The following ANKRD36 variants were observed in gnomAD, a reference collection of about 807,000 sequenced individuals.
ANKRD36 encodes ankyrin repeat domain-containing protein 36A.
Under a neutral mutation model 278.1 loss-of-function variants are expected in ANKRD36, and 179 were observed. The ratio of observed to expected loss-of-function variants is 0.64; its 90% CI spans 0.57 to 0.73. The LOEUF (loss-of-function observed/expected upper bound fraction) is 0.73. Among genes scored for constraint, ANKRD36 ranks in the 30% least tolerant of loss-of-function variants. ANKRD36 has a pLI of 0.00. For synonymous variants in ANKRD36, 320 were observed against 641.1 expected, an observed-to-expected ratio of 0.50 and a Z score of 7.57; for missense variants, 1,159 against 1,956.7, an observed-to-expected ratio of 0.59 and a Z score of 7.69.
At chr2:97,226,923 A>G (rs375141505) in intron 67 of ANKRD36, among the ~76,000 whole-genome samples, 1 of 151,962 alleles carries the variant, frequency 6.6e-6, no homozygotes, top group Non-Finnish European at 1.5e-5. Flanking sequence ...GTTGTCAAAG[A>G]TCAGATAGTT....
chr2:97,210,997 A>G (rs369893711), intron 56 of ANKRD36, among the ~76,000 whole-genome samples: 14 of 151,904 alleles, frequency 9.2e-5, no homozygotes, highest in African/African-American at 2.9e-4. Flanking sequence ...TCTACTAGGT[A>G]TCAGCAAGCA....
chr2:97,142,123 A>G (rs1428520670), intron 6 of ANKRD36, among the ~76,000 whole-genome samples: 3 of 152,290 alleles, frequency 2.0e-5, no homozygotes, highest in Non-Finnish European at 2.9e-5. Flanking sequence ...TCAATTTAGG[A>G]CACTTCCACT....
At chr2:97,184,449 A>G (rs929695602) in intron 28 of ANKRD36, among the ~76,000 whole-genome samples, 9 of 151,746 alleles carry the variant, frequency 5.9e-5, no homozygotes, top group African/African-American at 1.9e-4. Context: ...AAAATTCTTT[A>G]TAATACAATG....
At chr2:97,222,456 G>C (rs1442310227) in intron 66 of ANKRD36, among the ~76,000 whole-genome samples, 7 of 152,046 alleles carry the variant, frequency 4.6e-5, no homozygotes, top group African/African-American at 1.4e-4. Flanking sequence ...GGTGTAGGAG[G>C]GTTCTGCTTT....
At chr2:97,256,784 A>G (rs2076286823) in intron 75 of ANKRD36, among the ~76,000 whole-genome samples, 1 of 141,840 alleles carries the variant, frequency 7.1e-6, no homozygotes, top group Non-Finnish European at 1.5e-5. Flanking sequence ...AGGTATAATG[A>G]TTGATTTAAC....
chr2:97,157,925 C>T (rs1457239568), intron 15 of ANKRD36, among the ~76,000 whole-genome samples, 182 bp from the exon 16 acceptor site: 1 of 151,910 alleles, frequency 6.6e-6, no homozygotes, highest in Admixed American at 6.6e-5. Flanking sequence ...ATATCTGTAT[C>T]ACCAATCATA....
intron 38 of ANKRD36, 27 bp downstream of exon 38, chr2:97,193,080 A>T (rs979849177): frequency 1.3e-6 from 2 of 1,514,054 alleles, no homozygotes; most frequent in South Asian, 2.4e-5. Flanking sequence ...ATTTAATGTC[A>T]TGTTCAGTGC....
At chr2:97,186,022 G>T (rs2153555702) in intron 30 of ANKRD36, among the ~76,000 whole-genome samples, 1 of 151,856 alleles carries the variant, frequency 6.6e-6, no homozygotes, top group East Asian at 2.0e-4. Flanking sequence ...CAATTTTGGG[G>T]TTTCTGCTGA....
chr2:97,262,979 C>CA (rs1461374527), intron 75 of ANKRD36, among the ~76,000 whole-genome samples: 2 of 144,174 alleles, frequency 1.4e-5, no homozygotes, highest in African/African-American at 4.9e-5. Context: ...TATAGCAACA[C>CA]AAAAATTTGT....
chr2:97,188,127 A>G (rs1401361371), intron 32 of ANKRD36, among the ~76,000 whole-genome samples: 1 of 151,668 alleles, frequency 6.6e-6, no homozygotes, highest in African/African-American at 2.4e-5. Context: ...TAAAAATGAG[A>G]TAAAGTTGAA....
intron 36 of ANKRD36, among the ~76,000 whole-genome samples, chr2:97,191,927 C>G (rs2058602866): frequency 6.6e-6 from 1 of 151,534 alleles, no homozygotes; most frequent in African/African-American, 2.4e-5. Context: ...TATTGGCTTC[C>G]TTGTTCAAGG....
intron 66 of ANKRD36, among the ~76,000 whole-genome samples, chr2:97,222,514 G>A (rs2068047942): frequency 6.6e-6 from 1 of 152,100 alleles, no homozygotes; most frequent in African/African-American, 2.4e-5. Flanking sequence ...TTGGATAAAA[G>A]CCATTTTAAC....
At chr2:97,197,134 C>G (rs146390062) in intron 42 of ANKRD36, among the ~76,000 whole-genome samples, 3,498 of 151,814 alleles carry the variant, frequency 0.023, 109 homozygotes, top group African/African-American at 0.079. Flanking sequence ...TTTTACAGAC[C>G]TCACATCATA....
chr2:97,177,292 A>C (rs1490044535), intron 22 of ANKRD36, among the ~76,000 whole-genome samples: 1 of 151,904 alleles, frequency 6.6e-6, no homozygotes, highest in Non-Finnish European at 1.5e-5. Flanking sequence ...CCATCAAGCT[A>C]CCAATGCCTT....
rs2036560163 is a variant in ANKRD36, at chr2:97,120,712, A to G, written c.487-2175A>G. Among the ~76,000 whole-genome samples the G allele has an allele frequency of 1.3e-5, 2 of 152,110 alleles. 1 individual carries two copies. The highest frequency in any genetic ancestry group is 4.2e-4 in the South Asian group (2 of 4,798). ...AAAAAATCTGAAACTAAAGAAAGGA[A>G]GTATTTTACATGAAAATACTTGTGT... On this transcript the variant is annotated intron_variant, in intron 3 of 75. Coordinates refer to ENST00000420699, the MANE Select transcript of ANKRD36 (RefSeq NM_001354587.1).
At chr2:97,181,051 A>G (rs545476435) in intron 24 of ANKRD36, among the ~76,000 whole-genome samples, 1 of 151,830 alleles carries the variant, frequency 6.6e-6, no homozygotes, top group South Asian at 2.1e-4. Context: ...AATGAATATT[A>G]TCTACTAGAT....
chr2:97,118,211 G>T (rs1197310514), intron 2 of ANKRD36, 33 bp downstream of exon 2: 5 of 1,578,846 alleles, frequency 3.2e-6, no homozygotes, highest in Non-Finnish European at 8.6e-7. Flanking sequence ...AGCATGAGAT[G>T]GATTTGGTTG....
chr2:97,127,567 C>A (rs1180033683), intron 6 of ANKRD36, among the ~76,000 whole-genome samples: 1 of 151,780 alleles, frequency 6.6e-6, no homozygotes, highest in African/African-American at 2.4e-5. Context: ...TGCTGCCAAT[C>A]CCCATGCTGT....
At chr2:97,121,002 A>C (rs1489695605) in intron 3 of ANKRD36, among the ~76,000 whole-genome samples, 17 of 151,868 alleles carry the variant, frequency 1.1e-4, no homozygotes, top group African/African-American at 3.9e-4. Flanking sequence ...TACTGTGCCT[A>C]CCTAGGTACT....
Sources: allele counts gnomAD v4.1 joint callset (sites outside exome capture counted in the v4.1 genomes callset), GRCh38; gene constraint gnomAD v4.1.1; transcripts MANE v1.5; gene names NCBI Gene and HGNC (gene_info 2026-07-23, HGNC 2026-07-21).